The following DPP6 variants were observed in gnomAD, a reference collection of about 807,000 sequenced individuals.
DPP6 encodes dipeptidyl peptidase like 6, also known as A-type potassium channel modulatory protein DPP6.
DPP6 carries 69 observed loss-of-function variants against 122.6 expected under a neutral mutation model. The ratio of observed to expected loss-of-function variants is 0.56; its 90% CI spans 0.46 to 0.69. The LOEUF (loss-of-function observed/expected upper bound fraction) is 0.69, where lower values mean the gene tolerates loss of function less well. Among genes scored for constraint, DPP6 ranks in the 30% least tolerant of loss-of-function variants. The pLI is 0.00. For missense variants in DPP6, 928 were observed against 1,116.9 expected (o/e 0.83, Z 2.41); for synonymous variants, 418 against 433.1 (o/e 0.97, Z 0.43).
intron 2 of DPP6, among the ~76,000 whole-genome samples, chr7:154,447,441 A>C (rs1447542070): frequency 1.3e-5 from 2 of 152,168 alleles, no homozygotes; most frequent in East Asian, 3.9e-4. Flanking sequence ...TTTAATTCTC[A>C]GTAAATACAT....
intron 1 of DPP6, among the ~76,000 whole-genome samples, chr7:154,319,468 T>C (rs908236952): frequency 2.0e-5 from 3 of 150,108 alleles, no homozygotes; most frequent in African/African-American, 7.4e-5. Flanking sequence ...CCGAGGCGGG[T>C]GGATTGCCTG....
chr7:153,874,621 C>T, the DPP6 span, among the ~76,000 whole-genome samples: 1 of 152,180 alleles, frequency 6.6e-6, no homozygotes, highest in African/African-American at 2.4e-5. Flanking sequence ...AGTGATCCAC[C>T]CACCTAGGCC....
intron 1 of DPP6, among the ~76,000 whole-genome samples, chr7:154,243,251 A>G (rs1210918615): frequency 6.6e-6 from 1 of 152,196 alleles, no homozygotes; most frequent in Non-Finnish European, 1.5e-5. Flanking sequence ...AGTTTCAAAG[A>G]AACATGAATA....
At chr7:154,094,057 T>A (rs1182297397) in intron 1 of DPP6, 1 of 152,200 alleles carries the variant, frequency 6.6e-6, no homozygotes, top group Non-Finnish European at 1.5e-5. Context: ...ACAATTAAAA[T>A]GATTAGAAAT....
chr7:154,349,812 G>GA lies in DPP6; in HGVS notation c.244-96394dup, dbSNP rs566519296. On this transcript the variant is annotated intron_variant, in intron 1 of 25. Coordinates refer to ENST00000377770, the MANE Select transcript of DPP6 (RefSeq NM_130797.4). ...TCTTCCTTCTCAGTACCCAAGTGCTGAAAAAAAACATGTATTATTATAGGT... is the reference window on the plus strand; with the variant it reads ...TCTTCCTTCTCAGTACCCAAGTGCTGAAAAAAAAACATGTATTATTATAGGT... Among the ~76,000 whole-genome samples, 139 of 151,768 alleles carry GA rather than the reference G, an allele frequency of 9.2e-4. 1 individual carries two copies. Among genetic ancestry groups the GA allele is most frequent in the African/African-American group, 2.9e-3 (122 of 41,390 alleles).
At chr7:154,249,330 G>T (rs1296693300) in intron 1 of DPP6, among the ~76,000 whole-genome samples, 2 of 152,142 alleles carry the variant, frequency 1.3e-5, no homozygotes, top group Non-Finnish European at 2.9e-5. Flanking sequence ...CTTTAGGAAA[G>T]GAACTTTAAT....
intron 2 of DPP6, among the ~76,000 whole-genome samples, chr7:154,448,836 C>A (rs972344939): frequency 6.6e-6 from 1 of 152,040 alleles, no homozygotes; most frequent in Non-Finnish European, 1.5e-5. Flanking sequence ...GTCTTTCCAC[C>A]AAATGGTGGT....
chr7:153,901,862 T>G (rs1799651150), intron 1 of DPP6, among the ~76,000 whole-genome samples: 1 of 152,256 alleles, frequency 6.6e-6, no homozygotes, highest in Admixed American at 6.5e-5. Context: ...CATGCATTTC[T>G]TTCCTTCTTT....
At chr7:153,917,135 T>C (rs1417324419) in intron 1 of DPP6, among the ~76,000 whole-genome samples, 1 of 152,234 alleles carries the variant, frequency 6.6e-6, no homozygotes, top group Non-Finnish European at 1.5e-5. Flanking sequence ...ATGCTGCATC[T>C]GTGAGCTGTG....
the DPP6 span, among the ~76,000 whole-genome samples, chr7:153,835,926 G>C: frequency 2.0e-5 from 3 of 152,194 alleles, no homozygotes; most frequent in African/African-American, 7.2e-5. Context: ...ACCAGTGCCA[G>C]TAGAGGTCTG....
chr7:154,493,305 T>C (rs1038138054), intron 3 of DPP6, among the ~76,000 whole-genome samples: 9 of 152,182 alleles, frequency 5.9e-5, no homozygotes, highest in Admixed American at 1.3e-4. Context: ...GTGAACCAAA[T>C]GATGATAGGA....
At chr7:154,247,708 A>G (rs1802072285) in intron 1 of DPP6, among the ~76,000 whole-genome samples, 2 of 152,182 alleles carry the variant, frequency 1.3e-5, no homozygotes, top group South Asian at 4.1e-4. Context: ...GTTTCTTCTA[A>G]AGCCCAGTAT....
chr7:154,804,811 A>G (rs1351140621), intron 14 of DPP6, 106 bp from the exon 15 acceptor site: 3 of 1,497,004 alleles, frequency 2.0e-6, no homozygotes, highest in Admixed American at 2.0e-5. Flanking sequence ...CCTGCAGGCC[A>G]TGGGCGGCAG....
the DPP6 span, among the ~76,000 whole-genome samples, chr7:153,844,579 T>G: frequency 2.0e-5 from 3 of 152,190 alleles, no homozygotes; most frequent in Non-Finnish European, 4.4e-5. Context: ...AGGAAAAGCC[T>G]TTTCTTTTTC....
the DPP6 span, among the ~76,000 whole-genome samples, chr7:153,825,237 G>T: frequency 1.3e-5 from 2 of 151,906 alleles, no homozygotes; most frequent in African/African-American, 4.8e-5. Flanking sequence ...ACACTGTTTT[G>T]TAATGAAAAA....
intron 1 of DPP6, among the ~76,000 whole-genome samples, chr7:154,411,845 C>A (rs1320728194): frequency 6.6e-6 from 1 of 152,064 alleles, no homozygotes; most frequent in African/African-American, 2.4e-5. Context: ...GCAAGAGCAT[C>A]CTGAAGTAGT....
chr7:154,666,912 C>T (rs1003959449), intron 6 of DPP6, among the ~76,000 whole-genome samples: 4 of 152,144 alleles, frequency 2.6e-5, no homozygotes, highest in African/African-American at 9.7e-5. Context: ...TGTCAGATGT[C>T]TCTCTGAAAT....
At chr7:153,887,695 G>T (rs748265102) in exon 1 of DPP6, 1 of 1,613,844 alleles carries the variant, frequency 6.2e-7, no homozygotes, top group African/African-American at 1.3e-5. Context: ...TGAAGGAAAA[G>T]GCCATGATCA....
At chr7:154,373,849 T>A (rs1227045460) in intron 1 of DPP6, among the ~76,000 whole-genome samples, 1 of 152,140 alleles carries the variant, frequency 6.6e-6, no homozygotes, top group Non-Finnish European at 1.5e-5. Flanking sequence ...GTTTGATGAG[T>A]CTAGGAAGCT....
Sources: allele counts gnomAD v4.1 joint callset (sites outside exome capture counted in the v4.1 genomes callset), GRCh38; gene constraint gnomAD v4.1.1; transcripts MANE v1.5; gene names NCBI Gene and HGNC (gene_info 2026-07-23, HGNC 2026-07-21).